The following RASA1 variants were observed in gnomAD, a reference collection of about 807,000 sequenced individuals.
RASA1 encodes ras GTPase-activating protein 1.
RASA1 carries 25 observed loss-of-function variants against 132.2 expected under a neutral mutation model. The ratio of observed to expected loss-of-function variants is 0.19; its 90% CI spans 0.14 to 0.26. The LOEUF is 0.26. RASA1 is among the 10% of genes least tolerant of loss of function. The pLI, the probability that RASA1 is intolerant of heterozygous loss-of-function variation, is 1.00. For missense variants in RASA1, 964 were observed against 1,299.2 expected, an observed-to-expected ratio of 0.74 and a Z score of 3.97; for synonymous variants, 477 against 449.9, an observed-to-expected ratio of 1.06 and a Z score of -0.76.
intron 5 of RASA1, 96 bp from the exon 6 acceptor site, chr5:87,341,194 G>C: frequency 1.6e-6 from 1 of 622,304 alleles, no homozygotes; most frequent in Non-Finnish European, 2.4e-6. Context: ...TAAGGATAGT[G>C]TGGGGATATG....
At chr5:87,378,252 G>GTAAT in intron 17 of RASA1, 144 bp from the exon 18 acceptor site, 1 of 858,138 alleles carries the variant, frequency 1.2e-6, no homozygotes, top group Non-Finnish European at 1.9e-6. Context: ...GGATGTCATT[G>GTAAT]TAATTAGTAC....
At chr5:87,278,661 G>T (rs1053268682) in intron 1 of RASA1, among the ~76,000 whole-genome samples, 1 of 151,990 alleles carries the variant, frequency 6.6e-6, no homozygotes, top group African/African-American at 2.4e-5. Context: ...CATTGACATC[G>T]CTGTAATCCA....
At chr5:87,355,267 G>C (rs1240206930) in intron 9 of RASA1, among the ~76,000 whole-genome samples, 1 of 152,116 alleles carries the variant, frequency 6.6e-6, no homozygotes, top group Non-Finnish European at 1.5e-5. Flanking sequence ...AAGCTTCAAA[G>C]GTCAGGCTGA....
At chr5:87,289,852 T>C (rs1429899640) in intron 1 of RASA1, among the ~76,000 whole-genome samples, 1 of 152,102 alleles carries the variant, frequency 6.6e-6, no homozygotes. Context: ...TGAGTGATCC[T>C]CCCTCCTTGG....
chr5:87,380,609 A>G lies in RASA1; in HGVS notation c.2690+14A>G, dbSNP rs1186344701. The G allele has an allele frequency of 2.1e-5, 33 of 1,592,714 alleles. No individual in the cohort carries two copies. The highest frequency in any genetic ancestry group is 2.7e-5 in the African/African-American group (2 of 74,388). On this transcript the variant is annotated intron_variant, in intron 20 of 24. Coordinates refer to ENST00000274376, the MANE Select transcript of RASA1 (RefSeq NM_002890.3). ...AAGAGTTGTTAGGTAAGGCTCATCAATTGATTTGTTAAATCACATACTAAT... is the reference window on the plus strand; with the variant it reads ...AAGAGTTGTTAGGTAAGGCTCATCAGTTGATTTGTTAAATCACATACTAAT...
intron 6 of RASA1, among the ~76,000 whole-genome samples, chr5:87,345,264 T>C (rs1218179092): frequency 6.6e-6 from 1 of 152,202 alleles, no homozygotes; most frequent in Admixed American, 6.6e-5. Context: ...GAAAACTCTT[T>C]AGAAAGAGAT....
intron 1 of RASA1, among the ~76,000 whole-genome samples, chr5:87,282,699 T>C (rs1754369078): frequency 6.6e-6 from 1 of 152,218 alleles, no homozygotes. Flanking sequence ...CGTTACTGTC[T>C]TACAGATCCT....
chr5:87,322,514 A>G (rs1756901562), intron 1 of RASA1, among the ~76,000 whole-genome samples: 1 of 152,112 alleles, frequency 6.6e-6, no homozygotes, highest in Non-Finnish European at 1.5e-5. Context: ...GTTGGGGACT[A>G]CTGGTTTAAA....
intron 1 of RASA1, among the ~76,000 whole-genome samples, chr5:87,325,822 A>G (rs576629711): frequency 1.7e-4 from 26 of 152,324 alleles, no homozygotes; most frequent in African/African-American, 6.0e-4. Flanking sequence ...TATAGTTTCA[A>G]TGAAATGCCT....
chr5:87,353,275 T>C, intron 9 of RASA1, 40 bp downstream of exon 9: 1 of 1,461,626 alleles, frequency 6.8e-7, no homozygotes, highest in Non-Finnish European at 9.6e-7. Flanking sequence ...TAGCATTTTA[T>C]TTTAAAATGC....
intron 16 of RASA1, 143 bp from the exon 17 acceptor site, chr5:87,376,738 A>G: frequency 2.5e-6 from 3 of 1,200,834 alleles, no homozygotes; most frequent in Non-Finnish European, 3.5e-6. Flanking sequence ...TAGACTACGA[A>G]TTCATTCTAT....
At chr5:87,376,260 T>A in intron 15 of RASA1, 133 bp from the exon 16 acceptor site, 1 of 985,708 alleles carries the variant, frequency 1.0e-6, no homozygotes, top group Non-Finnish European at 1.5e-6. Context: ...ATTGAATTTG[T>A]GATGTTACTG....
chr5:87,356,520 G>C (rs974076199), intron 9 of RASA1, among the ~76,000 whole-genome samples: 2 of 151,962 alleles, frequency 1.3e-5, no homozygotes. Flanking sequence ...CTCCCCAGTA[G>C]CTAGGACTGC....
At chr5:87,375,014 A>C in intron 15 of RASA1, 98 bp downstream of exon 15, 1 of 1,415,034 alleles carries the variant, frequency 7.1e-7, no homozygotes, top group Admixed American at 2.3e-5. Context: ...AAAAAAACAG[A>C]AATGCAAGTA....
At chr5:87,285,290 A>AT (rs757339665) in intron 1 of RASA1, among the ~76,000 whole-genome samples, 8 of 151,634 alleles carry the variant, frequency 5.3e-5, no homozygotes, top group Non-Finnish European at 8.8e-5. Context: ...GATGGTCTTG[A>AT]TTTCTTGACC....
chr5:87,379,871 T>C, intron 19 of RASA1, 21 bp downstream of exon 19: 4 of 1,608,134 alleles, frequency 2.5e-6, no homozygotes, highest in Non-Finnish European at 2.6e-6. Context: ...AAATTTTCAT[T>C]TGACAAGAAA....
intron 1 of RASA1, 193 bp downstream of exon 1, chr5:87,269,183 A>T (rs1426400293): frequency 1.2e-6 from 2 of 1,604,698 alleles, no homozygotes; most frequent in Admixed American, 1.7e-5. Flanking sequence ...GCGTCTTCCT[A>T]CATTTATTGC....
chr5:87,306,168 G>A (rs1755601106), intron 1 of RASA1, among the ~76,000 whole-genome samples: 1 of 152,142 alleles, frequency 6.6e-6, no homozygotes, highest in Non-Finnish European at 1.5e-5. Flanking sequence ...ACATGCACAT[G>A]TATGTTCATT....
chr5:87,287,663 A>C lies in RASA1; in HGVS notation c.539+18673A>C, dbSNP rs556446473. Among the ~76,000 whole-genome samples the C allele has an allele frequency of 1.1e-4, 16 of 147,262 alleles. No homozygotes were observed. The East Asian group carries it at 2.9e-3, about 27-fold the overall frequency. Reference sequence around the variant, plus strand: ...TATACCATATATATACACGCCATAGATATACACCATATATGTACACGCCAT... The same window carrying C: ...TATACCATATATATACACGCCATAGCTATACACCATATATGTACACGCCAT... On this transcript the variant is annotated intron_variant, in intron 1 of 24. Coordinates refer to ENST00000274376, the MANE Select transcript of RASA1 (RefSeq NM_002890.3).
Sources: gnomAD v4.1 joint callset for allele counts (sites outside exome capture counted in the v4.1 genomes callset) on GRCh38, gnomAD v4.1.1 for gene constraint, MANE v1.5 for transcripts, NCBI Gene and HGNC (gene_info 2026-07-23, HGNC 2026-07-21) for gene names.